Variants in BICD1 observed in about 807,000 individuals in gnomAD.
BICD1 encodes the protein protein bicaudal D homolog 1.
In BICD1, 35 loss-of-function variants were observed where a neutral mutation model predicts 92.5. The observed-to-expected ratio is 0.38, with a 90% confidence interval of 0.29 to 0.50. The LOEUF (loss-of-function observed/expected upper bound fraction) is 0.50. Ranked by LOEUF, BICD1 falls within the 20% of genes least tolerant of loss-of-function variation. The pLI, the probability that BICD1 is intolerant of heterozygous loss-of-function variation, is 0.93. For synonymous variants in BICD1, 429 were observed against 465.1 expected (o/e 0.92, Z 1.00); for missense variants, 950 against 1,189.8 (o/e 0.80, Z 2.97).
chr12:32,270,602 C>A (rs1480682523), intron 2 of BICD1, among the ~76,000 whole-genome samples: 1 of 152,112 alleles, frequency 6.6e-6, no homozygotes, highest in Non-Finnish European at 1.5e-5. Flanking sequence ...GACAAAAAGG[C>A]AATTATTACA....
chr12:32,287,874 C>T (rs1947616481), intron 2 of BICD1, among the ~76,000 whole-genome samples: 1 of 152,160 alleles, frequency 6.6e-6, no homozygotes, highest in Non-Finnish European at 1.5e-5. Context: ...CAGGATTGCT[C>T]ATGTGGTTGC....
intron 2 of BICD1, among the ~76,000 whole-genome samples, chr12:32,282,246 G>T (rs1238479299): frequency 9.1e-6 from 1 of 109,550 alleles, no homozygotes; most frequent in Non-Finnish European, 1.7e-5. Context: ...TTTGACACAG[G>T]GTCTCACTCT....
chr12:32,315,358 T>G (rs1394744239), intron 4 of BICD1, among the ~76,000 whole-genome samples: 1 of 152,200 alleles, frequency 6.6e-6, no homozygotes, highest in Non-Finnish European at 1.5e-5. Flanking sequence ...TATAGTATCT[T>G]GATTATAGTT....
At chr12:32,294,235 TTG>T (rs1947801110) in intron 3 of BICD1, 89 bp downstream of exon 3, 1 of 1,250,118 alleles carries the variant, frequency 8.0e-7, no homozygotes, top group East Asian at 2.4e-5. Flanking sequence ...TCAGAATTTA[TTG>T]TTACTCTTTT....
At chr12:32,316,688 C>G (rs1464017975) in intron 4 of BICD1, among the ~76,000 whole-genome samples, 1 of 149,050 alleles carries the variant, frequency 6.7e-6, no homozygotes, top group Non-Finnish European at 1.5e-5. Context: ...TTTTGCACTT[C>G]TTTTTTTTTT....
chr12:32,154,575 G>T (rs1216990633), intron 1 of BICD1, among the ~76,000 whole-genome samples: 1 of 152,120 alleles, frequency 6.6e-6, no homozygotes, highest in East Asian at 1.9e-4. Context: ...TTATGACTTT[G>T]CAGGTCTTGC....
At chr12:32,346,514 CA>C (rs869064716) in intron 8 of BICD1, among the ~76,000 whole-genome samples, 6 of 86,300 alleles carry the variant, frequency 7.0e-5, no homozygotes, top group Non-Finnish European at 1.2e-4. Context: ...GAGACCCTGT[CA>C]AAAAAAATAT....
chr12:32,320,035 T>C (rs1362962915), intron 4 of BICD1, among the ~76,000 whole-genome samples: 1 of 152,222 alleles, frequency 6.6e-6, no homozygotes, highest in African/African-American at 2.4e-5. Flanking sequence ...AGAGTTTCTT[T>C]GTTCTATCTT....
At chr12:32,353,332 C>G (rs928536005) in intron 8 of BICD1, 3 of 151,854 alleles carry the variant, frequency 2.0e-5, no homozygotes, top group African/African-American at 7.3e-5. Context: ...GTTATACTTA[C>G]GGTTTAATTT....
intron 2 of BICD1, among the ~76,000 whole-genome samples, chr12:32,228,625 G>C (rs1945778425): frequency 6.6e-6 from 1 of 152,180 alleles, no homozygotes; most frequent in Admixed American, 6.5e-5. Flanking sequence ...CAGGATGATG[G>C]GTAGAAGTGG....
Position 32,337,618 on chromosome 12 carries a change from C to T in BICD1, c.2372C>T (p.Thr791Ile). 2 of 1,614,188 alleles carry T rather than the reference C, an allele frequency of 1.2e-6. No homozygotes were observed. Among genetic ancestry groups the T allele is most frequent in the Non-Finnish European group, 1.7e-6 (2 of 1,180,036 alleles). Residue 791 changes from threonine (T) to isoleucine (I), a missense_variant, in exon 7 of 10, where the codon ACC becomes ATC. Around this residue, in one of 5 missense-constraint regions of BICD1, gnomAD observed 309 missense variants for 499.4 expected, o/e 0.62. Transcript: ENST00000652176. The surrounding 1 kb of genome is among the most constrained non-coding windows in gnomAD (Gnocchi z 4.7). ...RMAIQQKLAL[T>I]QRLEDLEFDH... ...GCTATCCAGCAAAAACTCGCCCTGA[C>T]CCAGAGGCTGGAGGACTTAGAGTTT... is the stretch of plus-strand genomic sequence containing the variant.
intron 4 of BICD1, among the ~76,000 whole-genome samples, chr12:32,306,468 T>A (rs910058402): frequency 1.3e-5 from 2 of 151,844 alleles, no homozygotes; most frequent in Non-Finnish European, 2.9e-5. Flanking sequence ...ATGGTCTCGA[T>A]CTCCTGACTT....
chr12:32,284,772 C>T (rs942753331), intron 2 of BICD1, among the ~76,000 whole-genome samples: 2 of 152,164 alleles, frequency 1.3e-5, no homozygotes, highest in African/African-American at 4.8e-5. Flanking sequence ...TTACTTTGCT[C>T]CAACCACACT....
intron 2 of BICD1, among the ~76,000 whole-genome samples, chr12:32,277,967 A>G (rs1947319915): frequency 6.6e-6 from 1 of 152,158 alleles, no homozygotes; most frequent in South Asian, 2.1e-4. Context: ...AAAAGTCTAT[A>G]TGTAGTGTGT....
Position 32,228,391 on chromosome 12 carries a change from T to C in BICD1, c.426+11932T>C, listed in dbSNP as rs546306716. ...GTATTCTGCTCTATTGATCTGTGTG[T>C]CTATCCTTTCACCAATACACACTGT... On this transcript the variant is annotated intron_variant, in intron 2 of 9. Transcript: ENST00000652176. 1.4e-4 allele frequency among the ~76,000 whole-genome samples: 22 copies of C among 152,340 alleles called. 1 individual carries two copies. The South Asian group carries it at 4.3e-3, about 30-fold the overall frequency.
intron 1 of BICD1, among the ~76,000 whole-genome samples, chr12:32,125,037 C>T (rs1942280220): frequency 6.6e-6 from 1 of 152,160 alleles, no homozygotes; most frequent in South Asian, 2.1e-4. Flanking sequence ...TATTTTAAAT[C>T]TGTTTGAGCC....
intron 1 of BICD1, among the ~76,000 whole-genome samples, chr12:32,150,979 G>A (rs1943270785): frequency 6.6e-6 from 1 of 151,978 alleles, no homozygotes; most frequent in African/African-American, 2.4e-5. Context: ...TAGCAATTTT[G>A]ATAAATCTTT....
At chr12:32,155,567 A>G (rs1451607249) in intron 1 of BICD1, among the ~76,000 whole-genome samples, 1 of 152,262 alleles carries the variant, frequency 6.6e-6, no homozygotes, top group African/African-American at 2.4e-5. Context: ...TGCTACAGAG[A>G]AAGGAAAGTT....
rs139127500 is a variant in BICD1 at position 32,376,152 on chromosome 12, T to C, written c.2841-1388T>C. 5.7e-4 allele frequency among the ~76,000 whole-genome samples: 86 copies of C among 151,968 alleles called. 1 individual carries two copies. In the East Asian group the frequency reaches 0.013, roughly 23 times the overall value. ...AAACTGGAGTACAGTGGCGCCATCT[T>C]GGCTCGCTGCAACCTCTGCCTCCCA... On this transcript the variant is annotated intron_variant, in intron 9 of 9. Coordinates refer to ENST00000652176, the MANE Select transcript of BICD1 (RefSeq NM_001714.4).
Sources: gnomAD v4.1 joint callset for allele counts (sites outside exome capture counted in the v4.1 genomes callset) on GRCh38, gnomAD v4.1.1 for gene constraint, gnomAD v4.1.1 regional missense constraint, Gnocchi (gnomAD v3.1) non-coding constraint, MANE v1.5 for transcripts, NCBI Gene and HGNC (gene_info 2026-07-23, HGNC 2026-07-21) for gene names.